Variants in CSMD3 observed in about 807,000 individuals in gnomAD.
CSMD3 encodes the protein CUB and Sushi multiple domains 3.
A neutral mutation model predicts 435.2 loss-of-function variants in CSMD3; 177 were observed. The ratio of observed to expected loss-of-function variants is 0.41; its 90% CI spans 0.36 to 0.46. The LOEUF (loss-of-function observed/expected upper bound fraction) is 0.46, where lower values mean the gene tolerates loss of function less well. Ranked by LOEUF, CSMD3 falls within the 20% of genes least tolerant of loss-of-function variation. The pLI is 0.34. For missense variants in CSMD3, 4,265 were observed against 4,504.6 expected, an observed-to-expected ratio of 0.95 and a Z score of 1.52; for synonymous variants, 1,656 against 1,520.5, an observed-to-expected ratio of 1.09 and a Z score of -2.07.
chr8:113,357,968 C>T (rs1265359421), intron 1 of CSMD3, among the ~76,000 whole-genome samples: 1 of 152,158 alleles, frequency 6.6e-6, no homozygotes, highest in African/African-American at 2.4e-5. Flanking sequence ...TATAAATTAC[C>T]CAGTCTCAGG....
Position 112,512,100 on chromosome 8 carries a change from C to A in CSMD3, c.4756+4934G>T, listed in dbSNP as rs865803646. ...TAAACACCCCCTCATCACAGTCATC[C>A]ATGAGGGTTAGAATCAACTTCTGCC... On this transcript the variant is annotated intron_variant, in intron 28 of 70. Transcript: ENST00000297405. Among the ~76,000 whole-genome samples the A allele has an allele frequency of 5.3e-5, 8 of 152,258 alleles. No homozygotes were observed. In the South Asian group the frequency reaches 1.5e-3, roughly 28 times the overall value.
At chr8:112,331,942 T>G (rs1824105096) in intron 45 of CSMD3, among the ~76,000 whole-genome samples, 1 of 152,216 alleles carries the variant, frequency 6.6e-6, no homozygotes, top group African/African-American at 2.4e-5. Flanking sequence ...CTCAAATTAG[T>G]ATTAACAGGC....
chr8:113,415,232 A>G (rs2094576828), intron 1 of CSMD3, among the ~76,000 whole-genome samples: 1 of 152,202 alleles, frequency 6.6e-6, no homozygotes. Context: ...TGTCTTAAGG[A>G]CAGTTTATTG....
chr8:113,361,178 T>G (rs998063107), intron 1 of CSMD3, among the ~76,000 whole-genome samples: 1 of 152,098 alleles, frequency 6.6e-6, no homozygotes, highest in Admixed American at 6.5e-5. Flanking sequence ...TTGATTCCCC[T>G]CCCCCTAATA....
At chr8:113,157,210 G>A (rs985295671) in intron 4 of CSMD3, among the ~76,000 whole-genome samples, 3 of 152,058 alleles carry the variant, frequency 2.0e-5, no homozygotes, top group Non-Finnish European at 4.4e-5. Context: ...GGATTCCTCA[G>A]CTGTGACATA....
intron 45 of CSMD3, among the ~76,000 whole-genome samples, chr8:112,328,415 T>C (rs1363225885): frequency 6.6e-6 from 1 of 152,210 alleles, no homozygotes. Context: ...TAGAAGTGTG[T>C]TCCAGCAGGG....
rs1297224134 is a variant in CSMD3, at chr8:112,337,676, A to G, written c.6708T>C (p.Ile2236=). 1 of 1,613,684 alleles carries G rather than the reference A, an allele frequency of 6.2e-7. No homozygotes were observed. The highest frequency in any genetic ancestry group is 8.5e-7 in the Non-Finnish European group (1 of 1,179,602). Residue 2236 remains isoleucine, a synonymous_variant, in exon 43 of 71, where the codon ATT becomes ATC. Coordinates refer to ENST00000297405, the MANE Select transcript of CSMD3 (RefSeq NM_198123.2). ...TTTGACCCACAGTAAAATCATTACC[A>G]ATTACAAAACCATTTCGAAACGGGC... is the stretch of plus-strand genomic sequence containing the variant. ...DPRPFRNGFV[I]GNDFTVGQTI...
At chr8:112,245,380 C>T (rs1374380282) in intron 64 of CSMD3, among the ~76,000 whole-genome samples, 2 of 151,956 alleles carry the variant, frequency 1.3e-5, no homozygotes, top group African/African-American at 4.8e-5. Context: ...CATAGATATA[C>T]ATCCATAAAA....
intron 32 of CSMD3, among the ~76,000 whole-genome samples, chr8:112,465,184 G>A (rs531873950): frequency 1.3e-5 from 2 of 152,216 alleles, no homozygotes; most frequent in East Asian, 3.9e-4. Flanking sequence ...CTGCTTTTAA[G>A]CCTGGAAAAA....
intron 28 of CSMD3, among the ~76,000 whole-genome samples, chr8:112,515,048 CT>C (rs983670314): frequency 1.2e-4 from 18 of 149,246 alleles, no homozygotes; most frequent in African/African-American, 2.7e-4. Flanking sequence ...TAGTACTCAG[CT>C]TTTTTTTTTC....
At chr8:112,477,974 T>C (rs1819234999) in intron 31 of CSMD3, among the ~76,000 whole-genome samples, 1 of 152,148 alleles carries the variant, frequency 6.6e-6, no homozygotes, top group South Asian at 2.1e-4. Context: ...TCCCGTGCTG[T>C]TCTTGTGATA....
At position 112,701,871 on chromosome 8, in the gene CSMD3, G is replaced by GA. The variant is rs2076396331; in HGVS notation, c.1973-11822dup. Among the ~76,000 whole-genome samples, 5 of 152,212 alleles carry GA rather than the reference G, an allele frequency of 3.3e-5. No individual in the cohort carries two copies. The South Asian group carries it at 8.3e-4, about 25-fold the overall frequency. On this transcript the variant is annotated intron_variant, in intron 13 of 70. Coordinates refer to ENST00000297405, the MANE Select transcript of CSMD3 (RefSeq NM_198123.2). ...TCTGCCTGAAAAGAAGGCATTCTCT[G>GA]AGTGTATAAAACATGAAGAAATTGC...
intron 4 of CSMD3, among the ~76,000 whole-genome samples, chr8:113,119,548 A>C (rs2090927411): frequency 6.6e-6 from 1 of 152,182 alleles, no homozygotes; most frequent in South Asian, 2.1e-4. Context: ...GAATGGAAAA[A>C]GATGCCCAAA....
chr8:112,926,257 TGAGC>T (rs1359325627), intron 9 of CSMD3, among the ~76,000 whole-genome samples: 5,343 of 151,404 alleles, frequency 0.035, 309 homozygotes, highest in African/African-American at 0.12. Flanking sequence ...TGTGTGTGTG[TGAGC>T]GTGTGTGTGT....
chr8:113,043,111 T>G (rs1587952983), intron 5 of CSMD3, among the ~76,000 whole-genome samples: 1 of 152,356 alleles, frequency 6.6e-6, no homozygotes, highest in Admixed American at 6.5e-5. Context: ...TTTCTAAAAC[T>G]TGTTAAGTTG....
chr8:113,317,208 C>T (rs1023444340), intron 1 of CSMD3, among the ~76,000 whole-genome samples: 2 of 152,134 alleles, frequency 1.3e-5, no homozygotes, highest in African/African-American at 4.8e-5. Context: ...TAAAAGGTCT[C>T]TTTTTAAATT....
chr8:113,021,584 G>C (rs867081497), intron 5 of CSMD3, among the ~76,000 whole-genome samples: 22 of 152,154 alleles, frequency 1.4e-4, no homozygotes, highest in Middle Eastern at 3.4e-3. Flanking sequence ...CAGTACATGA[G>C]AATCGGCTCC....
At chr8:113,267,870 A>G (rs1208286351) in intron 3 of CSMD3, among the ~76,000 whole-genome samples, 1 of 151,786 alleles carries the variant, frequency 6.6e-6, no homozygotes, top group African/African-American at 2.4e-5. Context: ...TATTGATTAT[A>G]TAACTGTTCC....
At chr8:112,810,866 G>T (rs1000579502) in intron 12 of CSMD3, among the ~76,000 whole-genome samples, 13 of 151,962 alleles carry the variant, frequency 8.6e-5, no homozygotes, top group African/African-American at 2.9e-4. Flanking sequence ...GCTTGGTTTA[G>T]TAAGATGTCA....
Sources: allele counts gnomAD v4.1 joint callset (sites outside exome capture counted in the v4.1 genomes callset), GRCh38; gene constraint gnomAD v4.1.1; transcripts MANE v1.5; gene names NCBI Gene and HGNC (gene_info 2026-07-23, HGNC 2026-07-21).